SORCS1: variants seen among roughly 807,000 people sequenced by gnomAD.
SORCS1 encodes VPS10 domain-containing receptor SorCS1.
Under a neutral mutation model 146.1 loss-of-function variants are expected in SORCS1, and 60 were observed. The ratio of observed to expected loss-of-function variants is 0.41; its 90% CI spans 0.33 to 0.51. The LOEUF is 0.51. Ranked by LOEUF, SORCS1 falls within the 20% of genes least tolerant of loss-of-function variation. SORCS1 has a pLI of 0.21. For synonymous variants in SORCS1, 637 were observed against 584.0 expected, an observed-to-expected ratio of 1.09 and a Z score of -1.31; for missense variants, 1,352 against 1,487.6, an observed-to-expected ratio of 0.91 and a Z score of 1.50.
At position 106,629,226 on chromosome 10, in the gene SORCS1, C is replaced by T. The variant is rs200375086; in HGVS notation, c.2638G>A (p.Ala880Thr). 335 of 1,613,746 alleles carry T rather than the reference C, an allele frequency of 2.1e-4. No individual in the cohort carries two copies. The highest frequency in any genetic ancestry group is 2.5e-4 in the Non-Finnish European group (291 of 1,179,882). The change falls in exon 19 of 26, where the codon GCC becomes ACC. Residue 880 changes from alanine to threonine, a missense_variant. Around this residue, in one of 3 missense-constraint regions of SORCS1, gnomAD observed 648 missense variants for 793.8 expected, o/e 0.82. Coordinates refer to ENST00000263054, the MANE Select transcript of SORCS1 (RefSeq NM_052918.5). ...QVDNSLGSDS[A>T]VLYLHVTCPL... is the part of the protein sequence containing the mutation. ...CAAGTTACATGTAAGTACAGGACGGCGCTGTCAGAACCCAGACTGTTGTCC... is the reference window on the plus strand; with the variant it reads ...CAAGTTACATGTAAGTACAGGACGGTGCTGTCAGAACCCAGACTGTTGTCC...
chr10:106,756,077 T>C (rs560741416), intron 5 of SORCS1, among the ~76,000 whole-genome samples: 71 of 151,750 alleles, frequency 4.7e-4, no homozygotes, highest in African/African-American at 1.7e-3. Flanking sequence ...GGCAATGAGC[T>C]GAGATTGCAC....
intron 17 of SORCS1, chr10:106,666,953 T>C (rs1214294215): frequency 6.6e-6 from 1 of 152,230 alleles, no homozygotes; most frequent in Non-Finnish European, 1.5e-5. Flanking sequence ...CCTGAATTAG[T>C]ATATGTTCAA....
At position 106,967,868 on chromosome 10, in the gene SORCS1, T is replaced by C. The variant is rs535966997; in HGVS notation, c.559-11288A>G. On this transcript the variant is annotated intron_variant, in intron 1 of 25. Coordinates refer to ENST00000263054, the MANE Select transcript of SORCS1 (RefSeq NM_052918.5). ...TTAGAGCTGTAAAACAATAAGGAAATATTTATTGTATTATCTTCTCTCTGA... is the reference window on the plus strand; with the variant it reads ...TTAGAGCTGTAAAACAATAAGGAAACATTTATTGTATTATCTTCTCTCTGA... Among the ~76,000 whole-genome samples the C allele has an allele frequency of 2.0e-5, 3 of 151,644 alleles. No individual in the cohort carries two copies. The South Asian group carries it at 6.2e-4, about 32-fold the overall frequency.
intron 2 of SORCS1, among the ~76,000 whole-genome samples, chr10:106,893,739 A>G (rs906115567): frequency 6.6e-6 from 1 of 152,228 alleles, no homozygotes; most frequent in East Asian, 1.9e-4. Flanking sequence ...GGAAAAAAAT[A>G]GGAGAAAGAG....
rs1321669510 is a variant in SORCS1, at chr10:107,164,410, G to A, written c.117C>T (p.Pro39=). Residue 39 remains proline (P), a synonymous_variant, in exon 1 of 26, where the codon CCC becomes CCT. Coordinates refer to ENST00000263054, the MANE Select transcript of SORCS1 (RefSeq NM_052918.5). The surrounding 1 kb of genome is among the most constrained non-coding windows in gnomAD (Gnocchi z 6.8). The part of the protein sequence containing the change: ...PGVCGGGSCC[P]SPHPSSAPRS... ...GTGGAGCGGAGCTGGGGTGCGGCGAGGGGCAGCAGGAGCCGCCGCCGCAGA... is the reference window on the plus strand; with the variant it reads ...GTGGAGCGGAGCTGGGGTGCGGCGAAGGGCAGCAGGAGCCGCCGCCGCAGA... 7.1e-7 allele frequency: 1 copy of A among 1,415,884 alleles called. No individual in the cohort carries two copies. Among genetic ancestry groups the A allele is most frequent in the Non-Finnish European group, 9.2e-7 (1 of 1,090,102 alleles). The allele number at this position is 1,415,884 out of a possible 1,614,324, so 87.7% of individuals were successfully genotyped here.
At chr10:106,822,490 T>C (rs1345209307) in intron 3 of SORCS1, among the ~76,000 whole-genome samples, 2 of 152,150 alleles carry the variant, frequency 1.3e-5, no homozygotes, top group African/African-American at 4.8e-5. Context: ...TGTAGCTCAT[T>C]TGAAACCCAG....
intron 1 of SORCS1, among the ~76,000 whole-genome samples, chr10:106,996,923 A>T (rs1325199850): frequency 6.6e-6 from 1 of 152,118 alleles, no homozygotes; most frequent in Non-Finnish European, 1.5e-5. Context: ...GTCTAAAATC[A>T]CAAGAGAAAC....
intron 6 of SORCS1, among the ~76,000 whole-genome samples, chr10:106,712,165 G>A (rs1178031024): frequency 1.3e-5 from 2 of 152,204 alleles, no homozygotes; most frequent in Admixed American, 6.5e-5. Flanking sequence ...GGAAATGGAA[G>A]ATCAGTCTCA....
chr10:106,635,549 G>C (rs1848679722), intron 18 of SORCS1, among the ~76,000 whole-genome samples: 1 of 152,116 alleles, frequency 6.6e-6, no homozygotes, highest in Non-Finnish European at 1.5e-5. Context: ...GGCAGGAAGG[G>C]ATCAGCTGGA....
intron 9 of SORCS1, among the ~76,000 whole-genome samples, chr10:106,697,455 C>A (rs1457419481): frequency 3.9e-4 from 58 of 147,992 alleles, no homozygotes; most frequent in South Asian, 8.5e-4. Context: ...GACTCCATCT[C>A]AAAATAAATA....
chr10:106,597,472 G>C (rs889177745), intron 23 of SORCS1, 22 bp from the exon 24 acceptor site: 3 of 1,578,056 alleles, frequency 1.9e-6, no homozygotes, highest in Non-Finnish European at 2.6e-6. Flanking sequence ...AGCATAGTTA[G>C]TGACACCAAA....
rs556148336 is a variant in SORCS1 at position 106,897,047 on chromosome 10, C to T, written c.626+59466G>A. 2.6e-4 allele frequency among the ~76,000 whole-genome samples: 40 copies of T among 152,076 alleles called. No homozygotes were observed. In the South Asian group the frequency reaches 2.9e-3, roughly 11 times the overall value. ...CTGGGACTACAGGCGCCTGCCACCG[C>T]GCCCGGCTAATTTTTTTGTATTTTT... On this transcript the variant is annotated intron_variant, in intron 2 of 25. Transcript: ENST00000263054.
chr10:107,014,058 T>G lies in SORCS1; in HGVS notation c.559-57478A>C, dbSNP rs139769881. On this transcript the variant is annotated intron_variant, in intron 1 of 25. Coordinates refer to ENST00000263054, the MANE Select transcript of SORCS1 (RefSeq NM_052918.5). The stretch of plus-strand genomic sequence containing the variant: ...TCACAAGGACAAGAGATCGAGATCA[T>G]CCTGGCCAACATGGTGAAACCCCGT... 4.1e-3 allele frequency among the ~76,000 whole-genome samples: 626 copies of G among 151,940 alleles called. 4 individuals are homozygous for G. The highest frequency in any genetic ancestry group is 0.026 in the East Asian group (134 of 5,142).
intron 1 of SORCS1, among the ~76,000 whole-genome samples, chr10:106,978,239 C>G (rs556489783): frequency 6.6e-6 from 1 of 152,310 alleles, no homozygotes; most frequent in East Asian, 1.9e-4. Context: ...GCCACCATGC[C>G]TGGCCTGTGG....
intron 1 of SORCS1, among the ~76,000 whole-genome samples, chr10:107,004,537 T>G (rs1203027053): frequency 2.0e-5 from 3 of 152,174 alleles, no homozygotes; most frequent in Admixed American, 2.0e-4. Context: ...CATACTGTTC[T>G]CATCAGAACA....
intron 1 of SORCS1, among the ~76,000 whole-genome samples, chr10:107,073,026 G>T (rs1962573127): frequency 6.6e-6 from 1 of 152,162 alleles, no homozygotes; most frequent in Non-Finnish European, 1.5e-5. Flanking sequence ...CTGTCTGGGT[G>T]ATGTCTGCTG....
chr10:106,576,697 T>C lies in SORCS1; in HGVS notation c.*723A>G, dbSNP rs1185153238. The C allele has an allele frequency of 6.5e-6, 1 of 152,772 alleles. No individual in the cohort carries two copies. Among genetic ancestry groups the C allele is most frequent in the Non-Finnish European group, 1.5e-5 (1 of 68,504 alleles). 9.5% of individuals were successfully genotyped at this position (152,772 alleles called of 1,614,324 possible). On this transcript the variant is annotated 3_prime_UTR_variant, in exon 26 of 26. Coordinates refer to ENST00000263054, the MANE Select transcript of SORCS1 (RefSeq NM_052918.5). The stretch of plus-strand genomic sequence containing the variant: ...CCACAGAGAGTGCAGAAAGCAGCCT[T>C]GTGGCCACTGCTGACCAACAGAGCT...
Position 107,084,092 on chromosome 10 carries a change from G to GT in SORCS1, c.558+79876dup, listed in dbSNP as rs34590427. 5.9e-3 allele frequency among the ~76,000 whole-genome samples: 673 copies of GT among 113,708 alleles called. 6 individuals are homozygous for GT. Among genetic ancestry groups the GT allele is most frequent in the East Asian group, 0.012 (44 of 3,812 alleles). The allele number at this position is 113,708 out of a possible 152,430, so 74.6% of individuals were successfully genotyped here. A position where few individuals can be genotyped will look rare whatever the true frequency, so the allele number is the denominator to read the frequency against. On this transcript the variant is annotated intron_variant, in intron 1 of 25. Transcript: ENST00000263054. ...AGGTGGGTTATTTTTGTTGTTTTTT[G>GT]TTTTTTTTTTTTTTTTTTTTTGAGA...
chr10:106,850,641 G>A (rs1019033802), intron 2 of SORCS1, among the ~76,000 whole-genome samples: 3 of 152,154 alleles, frequency 2.0e-5, no homozygotes, highest in African/African-American at 7.2e-5. Flanking sequence ...AGAGAGAAAG[G>A]CATTCCCAAG....
Sources: allele counts gnomAD v4.1 joint callset (sites outside exome capture counted in the v4.1 genomes callset), GRCh38; gene constraint gnomAD v4.1.1; regional missense constraint gnomAD v4.1.1; non-coding constraint Gnocchi (gnomAD v3.1); transcripts MANE v1.5; gene names NCBI Gene and HGNC (gene_info 2026-07-23, HGNC 2026-07-21).